Variants in DSCAML1 observed in about 807,000 individuals in gnomAD.
DSCAML1 encodes cell adhesion molecule DSCAML1.
A neutral mutation model predicts 200.5 loss-of-function variants in DSCAML1; 38 were observed. The ratio of observed to expected loss-of-function variants is 0.19; its 90% CI spans 0.15 to 0.25. The LOEUF is 0.25. Ranked by LOEUF, DSCAML1 falls within the 10% of genes least tolerant of loss-of-function variation. The pLI is 1.00. For synonymous variants in DSCAML1, 1,215 were observed against 1,165.0 expected (o/e 1.04, Z -0.87); for missense variants, 2,223 against 2,858.8 (o/e 0.78, Z 5.07).
chr11:117,492,607 C>G (rs772940612), intron 11 of DSCAML1, among the ~76,000 whole-genome samples: 3 of 152,186 alleles, frequency 2.0e-5, no homozygotes, highest in Non-Finnish European at 2.9e-5. Context: ...CCTTCTCCCC[C>G]AAAAGCCTTG....
intron 3 of DSCAML1, among the ~76,000 whole-genome samples, chr11:117,702,972 G>A (rs539687341): frequency 1.3e-5 from 2 of 152,138 alleles, no homozygotes; most frequent in Non-Finnish European, 2.9e-5. Flanking sequence ...TATCTACTTG[G>A]TAAGTTTGAA....
At chr11:117,592,020 G>A (rs2051268587) in intron 3 of DSCAML1, among the ~76,000 whole-genome samples, 1 of 152,178 alleles carries the variant, frequency 6.6e-6, no homozygotes, top group African/African-American at 2.4e-5. Context: ...CAGGTTGGGT[G>A]ACAGGCCCCT....
At chr11:117,502,239 C>A (rs1012100235) in intron 11 of DSCAML1, among the ~76,000 whole-genome samples, 1 of 152,270 alleles carries the variant, frequency 6.6e-6, no homozygotes, top group East Asian at 1.9e-4. Flanking sequence ...CTGTGTCCTC[C>A]GGCACCCGCG....
At chr11:117,668,293 G>A (rs948533252) in intron 3 of DSCAML1, among the ~76,000 whole-genome samples, 1 of 152,180 alleles carries the variant, frequency 6.6e-6, no homozygotes, top group African/African-American at 2.4e-5. Flanking sequence ...CCTAGATAGT[G>A]ATGTCATGCC....
At chr11:117,556,815 C>T (rs1019926176) in intron 3 of DSCAML1, among the ~76,000 whole-genome samples, 3 of 152,184 alleles carry the variant, frequency 2.0e-5, no homozygotes, top group African/African-American at 4.8e-5. Flanking sequence ...GAAGGGCTGG[C>T]GACCTTATGT....
intron 1 of DSCAML1, among the ~76,000 whole-genome samples, chr11:117,805,763 C>T (rs1416882039): frequency 1.3e-5 from 2 of 152,310 alleles, no homozygotes; most frequent in Non-Finnish European, 1.5e-5. Context: ...CAAGGAGTTC[C>T]CCGATCCCTG....
chr11:117,483,175 C>CCTTTCTCCT, intron 11 of DSCAML1, among the ~76,000 whole-genome samples: 1 of 152,334 alleles, frequency 6.6e-6, no homozygotes, highest in Middle Eastern at 3.4e-3. Context: ...TGCAGCGAAA[C>CCTTTCTCCT]CCTGTCCCCT....
chr11:117,493,412 G>T (rs2049226699), intron 11 of DSCAML1, among the ~76,000 whole-genome samples: 1 of 151,840 alleles, frequency 6.6e-6, no homozygotes, highest in South Asian at 2.1e-4. Context: ...CCCCTCCCGG[G>T]TTCAAGTGAT....
chr11:117,786,195 C>A (rs1409225435), intron 1 of DSCAML1, among the ~76,000 whole-genome samples: 5 of 152,200 alleles, frequency 3.3e-5, no homozygotes, highest in Non-Finnish European at 5.9e-5. Flanking sequence ...CTCAGATCAA[C>A]AGCAAGGCTT....
At chr11:117,792,585 C>T (rs2055491286) in intron 1 of DSCAML1, among the ~76,000 whole-genome samples, 3 of 152,162 alleles carry the variant, frequency 2.0e-5, no homozygotes, top group Admixed American at 2.0e-4. Context: ...GACCACCTCC[C>T]AGGCTAGGTG....
chr11:117,718,174 G>A (rs1046582794), intron 3 of DSCAML1, among the ~76,000 whole-genome samples: 2 of 152,232 alleles, frequency 1.3e-5, no homozygotes, highest in Non-Finnish European at 2.9e-5. Context: ...GGTCAGTGGG[G>A]CATTGCCGCG....
chr11:117,739,663 G>A lies in DSCAML1; in HGVS notation c.511+37128C>T, dbSNP rs118079463. On this transcript the variant is annotated intron_variant, in intron 3 of 32. Transcript: ENST00000651296. Reference sequence around the variant, plus strand: ...CTCTGTGCATGGTTATTCAGGGTGTGCACTGTACGACTCAAAGGCAACAGT... The same window carrying A: ...CTCTGTGCATGGTTATTCAGGGTGTACACTGTACGACTCAAAGGCAACAGT... 4.8e-3 allele frequency among the ~76,000 whole-genome samples: 737 copies of A among 152,292 alleles called. 45 individuals carry two copies. The East Asian group carries it at 0.13, about 26-fold the overall frequency.
intron 3 of DSCAML1, among the ~76,000 whole-genome samples, chr11:117,721,479 G>A (rs1435340463): frequency 6.6e-6 from 1 of 152,038 alleles, no homozygotes; most frequent in Non-Finnish European, 1.5e-5. Flanking sequence ...TACAGTCAGG[G>A]GTTCCTGACC....
rs569141752 is a variant in DSCAML1 at position 117,599,127 on chromosome 11, C to T, written c.512-66605G>A. Among the ~76,000 whole-genome samples, 65 of 58,336 alleles carry T rather than the reference C, an allele frequency of 1.1e-3. No homozygotes were observed. In the South Asian group the frequency reaches 0.029, roughly 26 times the overall value. The allele number at this position is 58,336 out of a possible 152,430, so 38.3% of individuals were successfully genotyped here. ...CTTGGGTTAAATTTCAGGGCAGTAG[C>T]CGCAAAACCACCTCACAGGTGAATT... On this transcript the variant is annotated intron_variant, in intron 3 of 32. Coordinates refer to ENST00000651296, the MANE Select transcript of DSCAML1 (RefSeq NM_020693.4).
rs546519144 is a variant in DSCAML1, at chr11:117,480,580, C to T, written c.2657-9G>A. ...TGGGGGGTCGGGGGGCTCTAGGGTG[C>T]GGCAGTGGAGGGGAGGGAAGTGAGG... On this transcript the variant is annotated splice_polypyrimidine_tract_variant and intron_variant, in intron 13 of 32. Transcript: ENST00000651296. The surrounding 1 kb of genome is among the most constrained non-coding windows in gnomAD (Gnocchi z 4.1). The T allele has an allele frequency of 8.3e-5, 129 of 1,554,550 alleles. No homozygotes were observed. The highest frequency in any genetic ancestry group is 1.0e-4 in the Non-Finnish European group (119 of 1,148,678).
intron 3 of DSCAML1, among the ~76,000 whole-genome samples, chr11:117,589,855 C>T (rs909697899): frequency 5.3e-5 from 8 of 152,152 alleles, no homozygotes; most frequent in Non-Finnish European, 1.0e-4. Context: ...GCATAGATAG[C>T]CCCATGGTAC....
At chr11:117,797,589 G>A (rs1157391547), upstream of DSCAML1, among the ~76,000 whole-genome samples, 6 of 130,110 alleles carry the variant, frequency 4.6e-5, no homozygotes, top group African/African-American at 1.4e-4. Context: ...CAGCTTACCC[G>A]GCCCCCCCAC....
chr11:117,679,013 T>A (rs1266230787), intron 3 of DSCAML1, among the ~76,000 whole-genome samples: 1 of 152,212 alleles, frequency 6.6e-6, no homozygotes, highest in Non-Finnish European at 1.5e-5. Context: ...GGCACACATA[T>A]GGGGGAGGGG....
chr11:117,806,723 C>G (rs2055709850), intron 1 of DSCAML1, among the ~76,000 whole-genome samples: 3 of 152,188 alleles, frequency 2.0e-5, no homozygotes. Context: ...TAATTTCAAA[C>G]TCATCATTCT....
Sources: gnomAD v4.1 joint callset for allele counts (sites outside exome capture counted in the v4.1 genomes callset) on GRCh38, gnomAD v4.1.1 for gene constraint, Gnocchi (gnomAD v3.1) non-coding constraint, MANE v1.5 for transcripts, NCBI Gene and HGNC (gene_info 2026-07-23, HGNC 2026-07-21) for gene names.